Variants in ADAMTSL1 observed in about 807,000 individuals in gnomAD.
The protein encoded by ADAMTSL1 is ADAMTS like 1.
In ADAMTSL1, 126 loss-of-function variants were observed where a neutral mutation model predicts 201.8. The observed-to-expected ratio is 0.62, with a 90% CI of 0.54 to 0.72. The LOEUF (loss-of-function observed/expected upper bound fraction) is 0.72. Ranked by LOEUF, ADAMTSL1 falls within the 30% of genes least tolerant of loss-of-function variation. The pLI is 0.00. For synonymous variants in ADAMTSL1, 1,121 were observed against 903.4 expected (o/e 1.24, Z -4.32); for missense variants, 2,679 against 2,277.8 (o/e 1.18, Z -3.59).
intron 23 of ADAMTSL1, among the ~76,000 whole-genome samples, chr9:18,869,527 T>C (rs552565790): frequency 6.6e-6 from 1 of 152,380 alleles, no homozygotes; most frequent in Admixed American, 6.5e-5. Context: ...TCAATCCTGT[T>C]GTTACCTCAT....
intron 2 of ADAMTSL1, among the ~76,000 whole-genome samples, chr9:18,277,083 T>A (rs905946088): frequency 2.0e-5 from 3 of 152,238 alleles, no homozygotes; most frequent in Non-Finnish European, 4.4e-5. Context: ...TGTTTCTAGT[T>A]TCATACTATA....
chr9:18,110,218 A>C (rs1038044696), intron 1 of ADAMTSL1, among the ~76,000 whole-genome samples: 1 of 152,178 alleles, frequency 6.6e-6, no homozygotes, highest in Non-Finnish European at 1.5e-5. Flanking sequence ...GTTGGTCTCA[A>C]ATGGATCTGA....
chr9:18,180,773 T>C (rs1454568560), intron 2 of ADAMTSL1, among the ~76,000 whole-genome samples: 1 of 152,110 alleles, frequency 6.6e-6, no homozygotes, highest in East Asian at 1.9e-4. Context: ...TTCACAGAAT[T>C]GGAAAAAACT....
chr9:18,196,142 G>A (rs1829168555), intron 2 of ADAMTSL1, among the ~76,000 whole-genome samples: 1 of 152,020 alleles, frequency 6.6e-6, no homozygotes, highest in African/African-American at 2.4e-5. Flanking sequence ...TCAGTTTGTG[G>A]TACCTTATAT....
At chr9:18,353,765 T>C (rs1446853179) in intron 2 of ADAMTSL1, among the ~76,000 whole-genome samples, 1 of 152,156 alleles carries the variant, frequency 6.6e-6, no homozygotes, top group African/African-American at 2.4e-5. Context: ...GAGGTTGCCA[T>C]CTTTGTGTGG....
chr9:18,283,909 C>A (rs1359203632), intron 2 of ADAMTSL1, among the ~76,000 whole-genome samples: 1 of 13,920 alleles, frequency 7.2e-5, no homozygotes, highest in African/African-American at 2.8e-4. Flanking sequence ...CAGAGCAAGA[C>A]TCCGTCTAAA....
chr9:18,174,465 C>T (rs1218824417), intron 2 of ADAMTSL1, among the ~76,000 whole-genome samples: 1 of 152,096 alleles, frequency 6.6e-6, no homozygotes, highest in African/African-American at 2.4e-5. Context: ...CTTCTGGAAT[C>T]ATATGATCAA....
At chr9:18,629,611 T>A (rs1001327149) in intron 5 of ADAMTSL1, among the ~76,000 whole-genome samples, 4 of 152,182 alleles carry the variant, frequency 2.6e-5, no homozygotes, top group African/African-American at 9.6e-5. Context: ...TGGTGTATTA[T>A]TCTTTATATA....
chr9:18,105,594 T>C (rs1271012205), intron 1 of ADAMTSL1, among the ~76,000 whole-genome samples: 3 of 152,052 alleles, frequency 2.0e-5, no homozygotes, highest in Non-Finnish European at 4.4e-5. Flanking sequence ...AGTGGAGAAA[T>C]CACATAGCAA....
intron 4 of ADAMTSL1, among the ~76,000 whole-genome samples, chr9:18,593,095 A>C (rs1040166711): frequency 2.8e-4 from 42 of 152,246 alleles, no homozygotes; most frequent in African/African-American, 1.0e-3. Flanking sequence ...GAATTTGTTT[A>C]ACAGTTCTAA....
rs879213076 is a variant in ADAMTSL1 at position 18,910,356 on chromosome 9, T to C, written c.*1808T>C. ...TCTTATTAAAAAAGTGCAATATTAA[T>C]AATTGTACATTGTCATCCAGAAACA... On this transcript the variant is annotated 3_prime_UTR_variant, in exon 29 of 29. Coordinates refer to ENST00000380548, the MANE Select transcript of ADAMTSL1 (RefSeq NM_001040272.6). 6.6e-6 allele frequency: 1 copy of C among 152,242 alleles called. No individual in the cohort carries two copies. The highest frequency in any genetic ancestry group is 2.4e-5 in the African/African-American group (1 of 41,462). The allele number at this position is 152,242 out of a possible 1,614,324, so 9.4% of individuals were successfully genotyped here. A position where few individuals can be genotyped will look rare whatever the true frequency, so the allele number is the denominator to read the frequency against.
intron 1 of ADAMTSL1, among the ~76,000 whole-genome samples, chr9:18,148,280 G>T (rs1350031887): frequency 6.7e-6 from 1 of 150,354 alleles, no homozygotes; most frequent in Admixed American, 6.6e-5. Flanking sequence ...CCTATTTTCA[G>T]TTTGAGTTTG....
chr9:18,575,978 AAC>A lies in ADAMTSL1; in HGVS notation c.474+1713_474+1714del, dbSNP rs1274819656. The stretch of plus-strand genomic sequence containing the variant: ...CCAGCAGGCCTCATGGTACCTTAGC[AAC>A]TGAAAGAGAATCCTATCTCAGTTGC... On this transcript the variant is annotated intron_variant, in intron 4 of 28. Coordinates refer to ENST00000380548, the MANE Select transcript of ADAMTSL1 (RefSeq NM_001040272.6). Among the ~76,000 whole-genome samples the A allele has an allele frequency of 2.2e-4, 33 of 152,320 alleles. No individual in the cohort carries two copies. In the East Asian group the frequency reaches 6.2e-3, roughly 29 times the overall value.
chr9:18,715,559 A>C (rs1474187949), intron 14 of ADAMTSL1, among the ~76,000 whole-genome samples: 1 of 152,118 alleles, frequency 6.6e-6, no homozygotes, highest in East Asian at 1.9e-4. Flanking sequence ...AAAGAGAACT[A>C]CAAACCACTA....
intron 23 of ADAMTSL1, among the ~76,000 whole-genome samples, chr9:18,851,087 G>A (rs924136874): frequency 2.6e-5 from 4 of 151,998 alleles, no homozygotes; most frequent in African/African-American, 9.7e-5. Flanking sequence ...ATAAATTATA[G>A]GATCAGAACT....
intron 19 of ADAMTSL1, among the ~76,000 whole-genome samples, chr9:18,791,194 G>C (rs10756988): frequency 0.15 from 22,439 of 152,116 alleles, 2,514 homozygotes; most frequent in East Asian, 0.32. Flanking sequence ...GCAAGCCTCC[G>C]TCTCTGCAGC....
chr9:18,798,895 A>T (rs72690578), intron 20 of ADAMTSL1, among the ~76,000 whole-genome samples: 22,960 of 152,228 alleles, frequency 0.15, 1,865 homozygotes, highest in Non-Finnish European at 0.19. Flanking sequence ...GAATACAGCC[A>T]AACCTTCCTT....
chr9:18,126,100 C>T (rs1447570075), intron 1 of ADAMTSL1, among the ~76,000 whole-genome samples: 8 of 152,182 alleles, frequency 5.3e-5, no homozygotes, highest in Non-Finnish European at 8.8e-5. Flanking sequence ...TTTTCTCATC[C>T]TTAAAATGAA....
At chr9:18,670,446 C>A (rs1255702480) in intron 9 of ADAMTSL1, among the ~76,000 whole-genome samples, 1 of 152,154 alleles carries the variant, frequency 6.6e-6, no homozygotes, top group Admixed American at 6.5e-5. Flanking sequence ...CCAATCACCC[C>A]CGCTTGCCTG....
Sources: gnomAD v4.1 joint callset for allele counts (sites outside exome capture counted in the v4.1 genomes callset) on GRCh38, gnomAD v4.1.1 for gene constraint, MANE v1.5 for transcripts, NCBI Gene and HGNC (gene_info 2026-07-23, HGNC 2026-07-21) for gene names.